ISM1: variants seen among roughly 807,000 people sequenced by gnomAD.
The protein encoded by ISM1 is isthmin-1.
In ISM1, 25 loss-of-function variants were observed where a neutral mutation model predicts 46.3. That is an observed-to-expected ratio of 0.54 (90% CI 0.39 to 0.75). The LOEUF is 0.75. ISM1 is among the 30% of genes least tolerant of loss of function. The pLI is 0.00. For missense variants in ISM1, 536 were observed against 625.4 expected, an observed-to-expected ratio of 0.86 and a Z score of 1.52; for synonymous variants, 255 against 256.7, an observed-to-expected ratio of 0.99 and a Z score of 0.06.
At chr20:13,322,258 G>A in the ISM1 span, among the ~76,000 whole-genome samples, 54 of 152,240 alleles carry the variant, frequency 3.5e-4, 1 homozygote, top group South Asian at 1.0e-3. Flanking sequence ...GAGGCAGTTC[G>A]TCATCTTCAA....
At chr20:13,276,506 A>C (rs1229199563) in intron 2 of ISM1, among the ~76,000 whole-genome samples, 1 of 152,210 alleles carries the variant, frequency 6.6e-6, no homozygotes, top group Non-Finnish European at 1.5e-5. Flanking sequence ...GGAGCTGGGG[A>C]GATTGTGCCA....
At chr20:13,226,414 A>G (rs569663053) in intron 1 of ISM1, among the ~76,000 whole-genome samples, 1 of 148,508 alleles carries the variant, frequency 6.7e-6, no homozygotes, top group African/African-American at 2.5e-5. Context: ...TTTTACTGGA[A>G]TTTTTTTTTT....
At chr20:13,230,700 G>A (rs1229267397) in intron 1 of ISM1, among the ~76,000 whole-genome samples, 2 of 149,802 alleles carry the variant, frequency 1.3e-5, no homozygotes, top group African/African-American at 5.0e-5. Context: ...TTAGTGCCCA[G>A]ATTATATGTA....
chr20:13,282,779 G>A (rs1324293951), intron 3 of ISM1, among the ~76,000 whole-genome samples: 1 of 152,144 alleles, frequency 6.6e-6, no homozygotes, highest in Non-Finnish European at 1.5e-5. Flanking sequence ...GAATAGCCCC[G>A]GGCCTTGTTA....
chr20:13,237,798 A>C (rs2039669193), intron 1 of ISM1: 1 of 152,370 alleles, frequency 6.6e-6, no homozygotes, highest in East Asian at 1.9e-4. Context: ...GATTACCCAC[A>C]GCCCTGGAGT....
At chr20:13,256,742 G>T (rs1297697903) in intron 1 of ISM1, among the ~76,000 whole-genome samples, 3 of 152,218 alleles carry the variant, frequency 2.0e-5, no homozygotes, top group African/African-American at 7.2e-5. Flanking sequence ...CCCCTAGTAA[G>T]TATGAGCCAG....
intron 2 of ISM1, among the ~76,000 whole-genome samples, chr20:13,278,225 G>A (rs753965904): frequency 6.6e-6 from 1 of 152,178 alleles, no homozygotes; most frequent in Non-Finnish European, 1.5e-5. Flanking sequence ...TTGGAACCAA[G>A]AAGCTTCATT....
intron 1 of ISM1, among the ~76,000 whole-genome samples, chr20:13,251,260 C>T (rs571804217): frequency 6.6e-6 from 1 of 152,198 alleles, no homozygotes; most frequent in Non-Finnish European, 1.5e-5. Context: ...ATCTCACCCC[C>T]CTTCCACAGG....
downstream of ISM1, among the ~76,000 whole-genome samples, chr20:13,302,736 C>G (rs2123348419): frequency 6.6e-6 from 1 of 152,302 alleles, no homozygotes; most frequent in Admixed American, 6.5e-5. Flanking sequence ...TTGCCTTCCC[C>G]TGGAAAGAGA....
At chr20:13,320,735 G>T in the ISM1 span, among the ~76,000 whole-genome samples, 1 of 152,224 alleles carries the variant, frequency 6.6e-6, no homozygotes, top group East Asian at 1.9e-4. Context: ...TCCATTTCAT[G>T]GTCTAAGATG....
At chr20:13,298,854 G>A (rs1405069650) in intron 5 of ISM1, 88 bp from the exon 6 acceptor site, 1 of 1,389,622 alleles carries the variant, frequency 7.2e-7, no homozygotes, top group African/African-American at 1.4e-5. Flanking sequence ...GGGCCCTCAG[G>A]AGCAGCCTGG....
intron 1 of ISM1, among the ~76,000 whole-genome samples, chr20:13,260,442 T>C (rs1189914375): frequency 1.3e-5 from 2 of 152,240 alleles, no homozygotes; most frequent in African/African-American, 4.8e-5. Flanking sequence ...CAACAGGTTT[T>C]ACCCAGCTTT....
intron 4 of ISM1, among the ~76,000 whole-genome samples, chr20:13,288,998 G>T (rs112613858): frequency 0.02 from 3,100 of 152,210 alleles, 105 homozygotes; most frequent in African/African-American, 0.071. Flanking sequence ...ATGTTGGCCA[G>T]GTTGGTCTCA....
At chr20:13,240,683 T>G (rs1923347) in intron 1 of ISM1, among the ~76,000 whole-genome samples, 38,325 of 151,998 alleles carry the variant, frequency 0.25, 4,926 homozygotes, top group African/African-American at 0.31. Flanking sequence ...GATCAGTGGA[T>G]AATGAGAGGG....
intron 1 of ISM1, chr20:13,239,756 C>T (rs1247223561): frequency 6.6e-6 from 1 of 152,200 alleles, no homozygotes; most frequent in Non-Finnish European, 1.5e-5. Flanking sequence ...AGCCAAGCCC[C>T]AATGTCTCAT....
At chr20:13,260,480 A>G (rs1038296254) in intron 1 of ISM1, among the ~76,000 whole-genome samples, 1 of 152,254 alleles carries the variant, frequency 6.6e-6, no homozygotes, top group African/African-American at 2.4e-5. Flanking sequence ...GATAGAGAGA[A>G]AGGAGAAGAT....
the ISM1 span, among the ~76,000 whole-genome samples, chr20:13,307,712 T>A: frequency 1.4e-4 from 22 of 152,246 alleles, no homozygotes; most frequent in Non-Finnish European, 2.9e-4. Flanking sequence ...AGGTCTGGCA[T>A]ATTTTGCTCA....
In ISM1 at chr20:13,292,359, CTT is replaced by C. The variant is rs758160061; in HGVS notation, c.788-14_788-13del. The C allele has an allele frequency of 6.4e-7, 1 of 1,554,866 alleles. No individual in the cohort carries two copies. Among genetic ancestry groups the C allele is most frequent in the Admixed American group, 1.8e-5 (1 of 54,934 alleles). ...CCATGTAATGATGGAAAAATGAGCT[CTT>C]GTCTGTGTTTAGGAATTGAAGACAC... On this transcript the variant is annotated splice_polypyrimidine_tract_variant and intron_variant, in intron 4 of 5. Transcript: ENST00000262487.
At chr20:13,310,842 T>C in the ISM1 span, among the ~76,000 whole-genome samples, 1 of 152,016 alleles carries the variant, frequency 6.6e-6, no homozygotes, top group Non-Finnish European at 1.5e-5. Context: ...CGCAGGAAAA[T>C]GCAAATTAAA....
Sources: allele counts gnomAD v4.1 joint callset (sites outside exome capture counted in the v4.1 genomes callset), GRCh38; gene constraint gnomAD v4.1.1; transcripts MANE v1.5; gene names NCBI Gene and HGNC (gene_info 2026-07-23, HGNC 2026-07-21).